The following MRTFB variants were observed in gnomAD, a reference collection of about 807,000 sequenced individuals.
MRTFB encodes the protein myocardin-related transcription factor B.
Under a neutral mutation model 104.2 loss-of-function variants are expected in MRTFB, and 29 were observed. That is an observed-to-expected ratio of 0.28 (90% confidence interval 0.21 to 0.38). MRTFB has a LOEUF of 0.38. Among genes scored for constraint, MRTFB ranks in the 10% least tolerant of loss-of-function variants. The pLI, the probability that MRTFB is intolerant of heterozygous loss-of-function variation, is 1.00. For missense variants in MRTFB, 1,270 were observed against 1,341.6 expected, an observed-to-expected ratio of 0.95 and a Z score of 0.83; for synonymous variants, 535 against 519.5, an observed-to-expected ratio of 1.03 and a Z score of -0.41.
chr16:14,090,326 A>G (rs1003767568), intron 2 of MRTFB, among the ~76,000 whole-genome samples: 11 of 152,250 alleles, frequency 7.2e-5, no homozygotes, highest in East Asian at 1.9e-4. Flanking sequence ...AGCTCATTCA[A>G]TGTGAGAAAA....
chr16:14,205,371 T>C (rs1342391450), intron 3 of MRTFB, among the ~76,000 whole-genome samples: 2 of 152,226 alleles, frequency 1.3e-5, no homozygotes, highest in African/African-American at 4.8e-5. Flanking sequence ...GTGAGGGTGC[T>C]TTGCCTGCCT....
chr16:14,035,935 T>C, the MRTFB span, among the ~76,000 whole-genome samples: 1 of 151,396 alleles, frequency 6.6e-6, no homozygotes, highest in Non-Finnish European at 1.5e-5. Flanking sequence ...TGCCTTTGCA[T>C]CCTCATAACT....
chr16:14,130,740 G>C (rs1252681925), intron 2 of MRTFB, among the ~76,000 whole-genome samples: 2 of 152,082 alleles, frequency 1.3e-5, no homozygotes, highest in African/African-American at 4.8e-5. Flanking sequence ...CCCAAGACTG[G>C]GTAATTTATA....
At chr16:14,010,366 G>T in the MRTFB span, among the ~76,000 whole-genome samples, 35 of 152,244 alleles carry the variant, frequency 2.3e-4, no homozygotes, top group Non-Finnish European at 3.5e-4. Flanking sequence ...ACCCAGGCTG[G>T]GGTGCAATGG....
chr16:14,088,243 T>C (rs1312500683), intron 2 of MRTFB, among the ~76,000 whole-genome samples: 1 of 152,214 alleles, frequency 6.6e-6, no homozygotes, highest in Non-Finnish European at 1.5e-5. Flanking sequence ...ACATTGAGCC[T>C]TGTGCAATGT....
upstream of MRTFB, among the ~76,000 whole-genome samples, chr16:14,067,900 C>CAG (rs1318009309): frequency 6.6e-6 from 1 of 152,138 alleles, no homozygotes; most frequent in African/African-American, 2.4e-5. Flanking sequence ...GGTGTAATCT[C>CAG]AGCTCACTGC....
At chr16:14,168,812 C>T (rs945757216) in intron 3 of MRTFB, among the ~76,000 whole-genome samples, 3 of 152,154 alleles carry the variant, frequency 2.0e-5, no homozygotes, top group African/African-American at 7.2e-5. Flanking sequence ...ATTTTATACT[C>T]CCATAAATGT....
intron 3 of MRTFB, among the ~76,000 whole-genome samples, chr16:14,144,986 A>ATATATATG (rs1483648253): frequency 2.9e-5 from 3 of 104,432 alleles, no homozygotes; most frequent in African/African-American, 2.4e-4. Flanking sequence ...ACATACATAT[A>ATATATATG]TATATATATG....
intron 2 of MRTFB, among the ~76,000 whole-genome samples, chr16:14,095,319 C>A (rs893127012): frequency 2.2e-4 from 33 of 152,188 alleles, no homozygotes; most frequent in African/African-American, 8.0e-4. Flanking sequence ...ACTTGGGAGA[C>A]TCCCTTGTAG....
intron 2 of MRTFB, among the ~76,000 whole-genome samples, chr16:14,115,089 C>T (rs541208502): frequency 2.6e-5 from 4 of 152,244 alleles, no homozygotes; most frequent in Non-Finnish European, 4.4e-5. Flanking sequence ...GTTTGGGTCT[C>T]CTCTACTGGG....
chr16:14,242,565 G>A (rs1468157064), intron 10 of MRTFB, among the ~76,000 whole-genome samples: 1 of 152,138 alleles, frequency 6.6e-6, no homozygotes, highest in Non-Finnish European at 1.5e-5. Context: ...AGTGGTGGGA[G>A]TTTACCTGAA....
chr16:14,239,760 A>G (rs984352612), intron 9 of MRTFB, among the ~76,000 whole-genome samples: 2 of 152,198 alleles, frequency 1.3e-5, no homozygotes, highest in Non-Finnish European at 2.9e-5. Context: ...TTTTTGTATT[A>G]TATTGCTTAA....
chr16:14,135,896 C>G (rs1430214225), intron 2 of MRTFB, among the ~76,000 whole-genome samples: 1 of 152,178 alleles, frequency 6.6e-6, no homozygotes, highest in African/African-American at 2.4e-5. Context: ...ATGAGAAAAA[C>G]TCTGTGCCTG....
chr16:14,089,976 CT>C (rs2034953012), intron 2 of MRTFB, among the ~76,000 whole-genome samples: 1 of 152,062 alleles, frequency 6.6e-6, no homozygotes, highest in African/African-American at 2.4e-5. Context: ...TTAAAATGGA[CT>C]GTCTTTTTAT....
At chr16:14,027,328 CAA>C in the MRTFB span, among the ~76,000 whole-genome samples, 1 of 152,096 alleles carries the variant, frequency 6.6e-6, no homozygotes, top group Non-Finnish European at 1.5e-5. Context: ...CTTCAAACAA[CAA>C]AATGATAGGA....
chr16:14,109,697 G>A (rs940496619), intron 2 of MRTFB, among the ~76,000 whole-genome samples: 2 of 152,154 alleles, frequency 1.3e-5, no homozygotes, highest in South Asian at 2.1e-4. Flanking sequence ...CATAAGAACC[G>A]TGGAAGCTAT....
chr16:14,180,527 TAATGATTGGAGCAGGA>T (rs2039732617), intron 3 of MRTFB, among the ~76,000 whole-genome samples: 1 of 152,204 alleles, frequency 6.6e-6, no homozygotes, highest in Non-Finnish European at 1.5e-5. Flanking sequence ...TTACTCATGC[TAATGATTGGAGCAGGA>T]AGAGACAAAT....
intron 8 of MRTFB, among the ~76,000 whole-genome samples, chr16:14,229,698 C>G (rs2042171240): frequency 6.6e-6 from 1 of 152,002 alleles, no homozygotes; most frequent in African/African-American, 2.4e-5. Flanking sequence ...TTTCCTGTAG[C>G]CATTTCTAGT....
intron 2 of MRTFB, among the ~76,000 whole-genome samples, chr16:14,093,472 C>G (rs1013783010): frequency 3.3e-5 from 5 of 151,940 alleles, no homozygotes; most frequent in Admixed American, 6.6e-5. Context: ...AAATTTGGCT[C>G]TGAATGCAGG....
Sources: allele counts gnomAD v4.1 joint callset (sites outside exome capture counted in the v4.1 genomes callset), GRCh38; gene constraint gnomAD v4.1.1; transcripts MANE v1.5; gene names NCBI Gene and HGNC (gene_info 2026-07-23, HGNC 2026-07-21).